Variants in PATL2 observed in about 807,000 individuals in gnomAD.
PATL2 encodes protein PAT1 homolog 2.
Under a neutral mutation model 77.0 loss-of-function variants are expected in PATL2, and 73 were observed. That is an observed-to-expected ratio of 0.95 (90% CI 0.78 to 1.15). PATL2 has a LOEUF of 1.15. PATL2 is among the 50% of genes most tolerant of loss of function. The pLI, the probability that PATL2 is intolerant of heterozygous loss-of-function variation, is 0.00. For synonymous variants in PATL2, 265 were observed against 257.1 expected, an observed-to-expected ratio of 1.03 and a Z score of -0.29; for missense variants, 618 against 655.4, an observed-to-expected ratio of 0.94 and a Z score of 0.62.
At chr15:44,678,246 G>A (rs1302890322) in intron 3 of PATL2, among the ~76,000 whole-genome samples, 1 of 152,172 alleles carries the variant, frequency 6.6e-6, no homozygotes, top group East Asian at 1.9e-4. Flanking sequence ...ACCACATGGT[G>A]AATTTCAGTG....
intron 11 of PATL2, 70 bp downstream of exon 11, chr15:44,669,707 A>C: frequency 6.6e-7 from 1 of 1,522,734 alleles, no homozygotes; most frequent in Non-Finnish European, 8.9e-7. Flanking sequence ...TCACAGTCTT[A>C]AACACAAGAA....
At chr15:44,681,350 G>A (rs2141227305) in intron 3 of PATL2, among the ~76,000 whole-genome samples, 1 of 152,248 alleles carries the variant, frequency 6.6e-6, no homozygotes, top group East Asian at 1.9e-4. Flanking sequence ...CAAAAGACAT[G>A]TTTCAGTCCT....
chr15:44,698,012 T>TACAG (rs1404749956), intron 3 of PATL2, among the ~76,000 whole-genome samples: 6 of 152,104 alleles, frequency 3.9e-5, no homozygotes. Context: ...TAGCTGGGAC[T>TACAG]ACAGGTGCAT....
At chr15:44,701,910 G>T (rs1303594560) in intron 3 of PATL2, among the ~76,000 whole-genome samples, 1 of 151,762 alleles carries the variant, frequency 6.6e-6, no homozygotes, top group East Asian at 1.9e-4. Flanking sequence ...GTGGGGGGAG[G>T]TGTCACATTT....
intron 3 of PATL2, among the ~76,000 whole-genome samples, chr15:44,680,231 G>A (rs1013739650): frequency 6.6e-6 from 1 of 152,050 alleles, no homozygotes. Context: ...GCTTCTTGTC[G>A]GGACCATGAC....
intron 3 of PATL2, among the ~76,000 whole-genome samples, chr15:44,690,585 A>T (rs1316435356): frequency 6.6e-6 from 1 of 150,820 alleles, no homozygotes; most frequent in Admixed American, 6.6e-5. Context: ...TGATCCTCCC[A>T]CCTTGGCCTC....
chr15:44,681,071 C>T (rs1213757779), intron 3 of PATL2, among the ~76,000 whole-genome samples: 1 of 152,168 alleles, frequency 6.6e-6, no homozygotes, highest in Non-Finnish European at 1.5e-5. Flanking sequence ...CGCTCTTTCA[C>T]CCAGACTGGA....
chr15:44,676,550 C>G lies in PATL2; in HGVS notation c.-60G>C. On this transcript the variant is annotated 5_prime_UTR_variant, in exon 4 of 18. Transcript: ENST00000682850. ...TCCTCCAGTGAAACAGCATTGCCAG[C>G]CTCTGGAAGGTAAACCTGAGACAAG... The G allele has an allele frequency of 1.3e-6, 2 of 1,550,782 alleles. No homozygotes were observed. Among genetic ancestry groups the G allele is most frequent in the Non-Finnish European group, 1.7e-6 (2 of 1,146,442 alleles).
At chr15:44,676,644 C>A in intron 3 of PATL2, 79 bp from the exon 4 acceptor site, 1 of 1,351,504 alleles carries the variant, frequency 7.4e-7, no homozygotes. Flanking sequence ...CCATGGAATC[C>A]TCCCAGCAAG....
At chr15:44,708,737 A>G (rs1450428206) in intron 3 of PATL2, among the ~76,000 whole-genome samples, 1 of 152,168 alleles carries the variant, frequency 6.6e-6, no homozygotes, top group Non-Finnish European at 1.5e-5. Flanking sequence ...TCTAGTTTTC[A>G]GCTATCACAA....
chr15:44,697,144 C>T (rs2141256309), intron 3 of PATL2, among the ~76,000 whole-genome samples: 1 of 151,960 alleles, frequency 6.6e-6, no homozygotes. Flanking sequence ...CCTCCTCCTC[C>T]CTCTTCCTCT....
chr15:44,680,324 T>A (rs2086105825), intron 3 of PATL2, among the ~76,000 whole-genome samples: 1 of 152,128 alleles, frequency 6.6e-6, no homozygotes, highest in Non-Finnish European at 1.5e-5. Flanking sequence ...CCCTCATCAG[T>A]GATTCTAAAA....
chr15:44,672,739 C>A (rs1187965209), intron 7 of PATL2, among the ~76,000 whole-genome samples: 1 of 152,180 alleles, frequency 6.6e-6, no homozygotes, highest in Non-Finnish European at 1.5e-5. Context: ...TCAGTTCCAT[C>A]ATGCTACCTG....
At position 44,711,185 on chromosome 15, in the gene PATL2, C is replaced by G. The variant is rs549141057; in HGVS notation, c.-419G>C. The G allele has an allele frequency of 2.2e-6, 1 of 456,528 alleles. No individual in the cohort carries two copies. The highest frequency in any genetic ancestry group is 2.0e-5 in the African/African-American group (1 of 50,936). 28.3% of individuals were successfully genotyped at this position (456,528 alleles called of 1,614,324 possible). A position where few individuals can be genotyped will look rare whatever the true frequency, so the allele number is the denominator to read the frequency against. On this transcript the variant is annotated 5_prime_UTR_variant, in exon 1 of 18. Transcript: ENST00000682850. ...ACTGGCTGGGGCACCATTAGCAAGT[C>G]ACTTAGCATCTCTGGGGCCAGTCTG...
chr15:44,676,118 CT>C, intron 4 of PATL2: 1 of 367,806 alleles, frequency 2.7e-6, no homozygotes, highest in Non-Finnish European at 5.0e-6. Flanking sequence ...CTAGCACAGC[CT>C]TTTCCATCTG....
chr15:44,699,098 A>AT (rs1376856736), intron 3 of PATL2, among the ~76,000 whole-genome samples: 2 of 152,002 alleles, frequency 1.3e-5, no homozygotes, highest in Admixed American at 6.6e-5. Flanking sequence ...GGATTAGTAG[A>AT]TTTTTTTCCT....
intron 3 of PATL2, among the ~76,000 whole-genome samples, chr15:44,685,949 A>T (rs2086244516): frequency 6.6e-6 from 1 of 152,216 alleles, no homozygotes; most frequent in African/African-American, 2.4e-5. Context: ...ACTCCCACAC[A>T]ATAATAGTGG....
At chr15:44,706,981 C>T (rs2086751387) in intron 3 of PATL2, among the ~76,000 whole-genome samples, 1 of 152,162 alleles carries the variant, frequency 6.6e-6, no homozygotes, top group Non-Finnish European at 1.5e-5. Context: ...AAGTCCTTCC[C>T]ACTTTTCCCT....
chr15:44,701,172 G>A (rs2086621047), intron 3 of PATL2, among the ~76,000 whole-genome samples: 1 of 151,748 alleles, frequency 6.6e-6, no homozygotes, highest in Non-Finnish European at 1.5e-5. Flanking sequence ...TTGCAGATGA[G>A]ATGAATAATC....
Sources: gnomAD v4.1 joint callset for allele counts (sites outside exome capture counted in the v4.1 genomes callset) on GRCh38, gnomAD v4.1.1 for gene constraint, MANE v1.5 for transcripts, NCBI Gene and HGNC (gene_info 2026-07-23, HGNC 2026-07-21) for gene names.